GTF2I: variants seen among roughly 807,000 people sequenced by gnomAD.
GTF2I encodes general transcription factor IIi.
GTF2I carries 12 observed loss-of-function variants against 67.6 expected under a neutral mutation model. The ratio of observed to expected loss-of-function variants is 0.18; its 90% CI spans 0.11 to 0.29. The LOEUF (loss-of-function observed/expected upper bound fraction) is 0.29. GTF2I is among the 10% of genes least tolerant of loss of function. The pLI, the probability that GTF2I is intolerant of heterozygous loss-of-function variation, is 1.00. For missense variants in GTF2I, 271 were observed against 580.1 expected (o/e 0.47, Z 5.47); for synonymous variants, 149 against 197.0 (o/e 0.76, Z 2.04).
intron 3 of GTF2I, among the ~76,000 whole-genome samples, chr7:74,693,219 G>C (rs113051592): frequency 1.5e-4 from 22 of 148,228 alleles, no homozygotes; most frequent in African/African-American, 5.5e-4. Flanking sequence ...TCTTGGCATA[G>C]CATTATTTGA....
intron 1 of GTF2I, among the ~76,000 whole-genome samples, chr7:74,673,784 G>A (rs1056998481): frequency 2.6e-4 from 37 of 144,700 alleles, no homozygotes; most frequent in Admixed American, 4.9e-4. Context: ...AGGTTCAAGC[G>A]ATTCTCCCGC....
intron 1 of GTF2I, among the ~76,000 whole-genome samples, chr7:74,674,559 A>G (rs1554391773): frequency 3.3e-5 from 5 of 151,978 alleles, no homozygotes; most frequent in Non-Finnish European, 7.4e-5. Context: ...CTTTTTTGAG[A>G]TGGAGTTTCA....
Position 74,687,493 on chromosome 7 carries a change from G to A in GTF2I, c.-5-1631G>A, listed in dbSNP as rs587602106. On this transcript the variant is annotated intron_variant, in intron 1 of 34. Transcript: ENST00000573035. ...CCGCCTCGGCCTTCCAAAGGGCTGG[G>A]ATTACAGGCGTGAGCCACCACGCCC... 1.3e-5 allele frequency: 12 copies of A among 925,514 alleles called. No individual in the cohort carries two copies. In the East Asian group the frequency reaches 1.3e-3, roughly 99 times the overall value. The allele number at this position is 925,514 out of a possible 1,614,324, so 57.3% of individuals were successfully genotyped here. A position where few individuals can be genotyped will look rare whatever the true frequency, so the allele number is the denominator to read the frequency against.
At chr7:74,717,139 T>C (rs1792362421) in intron 11 of GTF2I, 189 bp downstream of exon 11, 1 of 630,478 alleles carries the variant, frequency 1.6e-6, no homozygotes, top group South Asian at 3.4e-5. Flanking sequence ...ACCATACTGA[T>C]TAATAAAGCC....
chr7:74,665,989 G>GCA, intron 1 of GTF2I, among the ~76,000 whole-genome samples: 1 of 152,120 alleles, frequency 6.6e-6, no homozygotes, highest in Non-Finnish European at 1.5e-5. Context: ...ACAGGCGTGC[G>GCA]CCACCATGCC....
chr7:74,693,521 C>G (rs587620569), intron 3 of GTF2I, among the ~76,000 whole-genome samples: 78 of 152,108 alleles, frequency 5.1e-4, no homozygotes, highest in African/African-American at 1.8e-3. Context: ...ATTCCCTTTC[C>G]TCAGGCCTCC....
At position 74,714,907 on chromosome 7, in the gene GTF2I, C is replaced by G; in HGVS notation, c.814C>G (p.Pro272Ala). 6.2e-7 allele frequency: 1 copy of G among 1,601,496 alleles called. No individual in the cohort carries two copies. Among genetic ancestry groups the G allele is most frequent in the South Asian group, 1.1e-5 (1 of 89,620 alleles). ...TGATGAAAAACAGCCCCTATCGAAGCCTTTGCAAGGTATAATCTTTTCACT... is the reference window on the plus strand; with the variant it reads ...TGATGAAAAACAGCCCCTATCGAAGGCTTTGCAAGGTATAATCTTTTCACT... ...DVDEKQPLSK[P>A]LQGSHHSSEG... The change falls in exon 10 of 35, where the codon CCT becomes GCT. Residue 272 changes from proline to alanine, a missense_variant. This residue lies in a region of GTF2I where 124 missense variants were observed against 147.0 expected (regional missense o/e 0.84). Coordinates refer to ENST00000573035, the MANE Select transcript of GTF2I (RefSeq NM_032999.4).
At chr7:74,689,576 G>T (rs782145561) in intron 2 of GTF2I, among the ~76,000 whole-genome samples, 1 of 151,636 alleles carries the variant, frequency 6.6e-6, no homozygotes, top group Non-Finnish European at 1.5e-5. Context: ...GGCCGGTCTC[G>T]AACTCCTGAC....
intron 1 of GTF2I, among the ~76,000 whole-genome samples, chr7:74,675,905 G>A (rs935707581): frequency 2.0e-5 from 3 of 152,140 alleles, no homozygotes; most frequent in Non-Finnish European, 2.9e-5. Flanking sequence ...AGCTACGCAG[G>A]AGGCTGAGGC....
chr7:74,691,095 A>G lies in GTF2I; in HGVS notation c.222A>G (p.Lys74=). The G allele has an allele frequency of 1.2e-6, 2 of 1,606,058 alleles. No homozygotes were observed. The highest frequency in any genetic ancestry group is 1.3e-5 in the African/African-American group (1 of 74,834). ...TCAATACCAGAAAGGATTTTCAAAA[A>G]GATTTTGTAAAATATTGTAAGCATT... ...AFVNTRKDFQ[K]DFVKYCVEEE... is the part of the protein sequence containing the mutation. Residue 74 remains lysine, a synonymous_variant, in exon 3 of 35, where the codon AAA becomes AAG. Coordinates refer to ENST00000573035, the MANE Select transcript of GTF2I (RefSeq NM_032999.4).
chr7:74,690,889 GTT>G, intron 2 of GTF2I, 82 bp from the exon 3 acceptor site: 2 of 203,282 alleles, frequency 9.8e-6, no homozygotes, highest in African/African-American at 2.7e-5. Context: ...TTTAAAAAAT[GTT>G]GTTAGTTTTT....
intron 12 of GTF2I, chr7:74,726,834 CAGATAGATAGATAGATAGAT>C (rs57656763): frequency 1.3e-4 from 18 of 137,514 alleles, no homozygotes; most frequent in Admixed American, 9.9e-4. Context: ...ACCCTCCCGA[CAGATAGATAGATAGATAGAT>C]AGATAGATAG....
chr7:74,690,185 A>G (rs1788151067), intron 2 of GTF2I, among the ~76,000 whole-genome samples: 1 of 152,010 alleles, frequency 6.6e-6, no homozygotes, highest in Non-Finnish European at 1.5e-5. Flanking sequence ...ACCACACTCC[A>G]GCCTGGGCGA....
At chr7:74,673,350 A>G (rs1264342559) in intron 1 of GTF2I, among the ~76,000 whole-genome samples, 1 of 152,022 alleles carries the variant, frequency 6.6e-6, no homozygotes, top group Non-Finnish European at 1.5e-5. Flanking sequence ...CTTAACTGCT[A>G]TGTGGTTTTT....
chr7:74,662,932 C>T (rs782534956), intron 1 of GTF2I, among the ~76,000 whole-genome samples: 2 of 152,180 alleles, frequency 1.3e-5, no homozygotes, highest in Admixed American at 1.3e-4. Context: ...CACCCTTAGG[C>T]GAGTTGTACA....
At chr7:74,715,672 G>A (rs977705589) in intron 10 of GTF2I, among the ~76,000 whole-genome samples, 1 of 151,940 alleles carries the variant, frequency 6.6e-6, no homozygotes. Context: ...AAAAGAGAAA[G>A]GAAGTGTGTA....
In GTF2I at chr7:74,700,629, A is replaced by T. The variant is rs1554399641; in HGVS notation, c.581A>T (p.His194Leu). ...IKRPFLEPKK[H>L]VGGRVMVTDA... ...AGACCTTTTTTAGAGCCAAAGAAGC[A>T]TGTAGGTAAGTAAGTGCTTTGCTTC... The change falls in exon 6 of 35, where the codon CAT becomes CTT. Residue 194 changes from histidine to leucine, a missense_variant. By Grantham distance (99) the His-to-Leu change is moderately conservative. Around this residue, in one of 9 missense-constraint regions of GTF2I, gnomAD observed 124 missense variants for 147.0 expected, o/e 0.84. Coordinates refer to ENST00000573035, the MANE Select transcript of GTF2I (RefSeq NM_032999.4). 9 of 1,614,098 alleles carry T rather than the reference A, an allele frequency of 5.6e-6. No individual in the cohort carries two copies. In the South Asian group the frequency reaches 9.9e-5, roughly 18 times the overall value.
intron 6 of GTF2I, among the ~76,000 whole-genome samples, chr7:74,702,224 GA>G (rs1324500752): frequency 7.1e-6 from 1 of 141,394 alleles, no homozygotes; most frequent in African/African-American, 3.1e-5. Flanking sequence ...AATTTACACT[GA>G]ACTTTTTTTT....
intron 1 of GTF2I, among the ~76,000 whole-genome samples, chr7:74,664,522 C>T (rs1554387829): frequency 1.3e-5 from 2 of 152,160 alleles, no homozygotes; most frequent in Non-Finnish European, 2.9e-5. Context: ...CAACTCTCGC[C>T]TCCCAGGTTC....
Sources: gnomAD v4.1 joint callset for allele counts (sites outside exome capture counted in the v4.1 genomes callset) on GRCh38, gnomAD v4.1.1 for gene constraint, gnomAD v4.1.1 regional missense constraint, MANE v1.5 for transcripts, NCBI Gene and HGNC (gene_info 2026-07-23, HGNC 2026-07-21) for gene names.